The following ADGRL2 variants were observed in gnomAD, a reference collection of about 807,000 sequenced individuals.
The protein encoded by ADGRL2 is adhesion G protein-coupled receptor L2, also known as calcium-independent alpha-latrotoxin receptor 2.
In ADGRL2, 44 loss-of-function variants were observed where a neutral mutation model predicts 157.4. The observed-to-expected ratio is 0.28, with a 90% CI of 0.22 to 0.36. ADGRL2 has a LOEUF of 0.36. ADGRL2 is among the 10% of genes least tolerant of loss of function. The pLI is 1.00. For missense variants in ADGRL2, 1,510 were observed against 1,768.9 expected, an observed-to-expected ratio of 0.85 and a Z score of 2.63; for synonymous variants, 585 against 624.7, an observed-to-expected ratio of 0.94 and a Z score of 0.95.
At chr1:81,378,005 ACT>A (rs1255709352) in intron 1 of ADGRL2, among the ~76,000 whole-genome samples, 2 of 151,852 alleles carry the variant, frequency 1.3e-5, no homozygotes, top group East Asian at 3.9e-4. Context: ...ATGGTGAAAC[ACT>A]CTCTCTACTA....
chr1:81,875,594 AT>A (rs1423572374), intron 2 of ADGRL2, among the ~76,000 whole-genome samples: 1 of 152,132 alleles, frequency 6.6e-6, no homozygotes, highest in Non-Finnish European at 1.5e-5. Flanking sequence ...ACTTGTGTAA[AT>A]TTGGAACAAC....
chr1:81,478,839 G>C (rs1008890092), intron 2 of ADGRL2, among the ~76,000 whole-genome samples: 5 of 151,464 alleles, frequency 3.3e-5, no homozygotes, highest in Admixed American at 6.6e-5. Flanking sequence ...GCATTTATTT[G>C]AGTTTTTTTT....
chr1:81,385,694 A>G (rs1406231954), intron 1 of ADGRL2, among the ~76,000 whole-genome samples: 6 of 152,078 alleles, frequency 3.9e-5, no homozygotes, highest in Non-Finnish European at 8.8e-5. Context: ...AAAATTTTAA[A>G]ATGAATGAAC....
chr1:81,505,884 A>G (rs1300414418), intron 2 of ADGRL2: 1 of 329,314 alleles, frequency 3.0e-6, no homozygotes, highest in Admixed American at 4.1e-5. Flanking sequence ...TCATTACACA[A>G]TTTTCATTAA....
intron 1 of ADGRL2, among the ~76,000 whole-genome samples, chr1:81,383,825 A>AAAAAAG (rs773227675): frequency 6.9e-6 from 1 of 143,914 alleles, no homozygotes; most frequent in Non-Finnish European, 1.5e-5. Flanking sequence ...AAAAAAAAAA[A>AAAAAAG]AGAGAGCCGG....
At chr1:81,922,374 A>C (rs1033674345) in intron 3 of ADGRL2, among the ~76,000 whole-genome samples, 1 of 152,192 alleles carries the variant, frequency 6.6e-6, no homozygotes, top group African/African-American at 2.4e-5. Context: ...AGGATCTTTC[A>C]AAGATTGTGT....
At chr1:81,430,759 A>G (rs1432974204) in intron 1 of ADGRL2, among the ~76,000 whole-genome samples, 1 of 151,950 alleles carries the variant, frequency 6.6e-6, no homozygotes, top group Non-Finnish European at 1.5e-5. Flanking sequence ...TTTTTTCCCA[A>G]ACTGATTCAT....
chr1:81,742,282 A>G (rs2085097355), intron 1 of ADGRL2, among the ~76,000 whole-genome samples: 1 of 152,074 alleles, frequency 6.6e-6, no homozygotes, highest in African/African-American at 2.4e-5. Context: ...TAGTTTCCTT[A>G]GGAATCATAA....
chr1:81,955,074 T>TG (rs1344751355), intron 10 of ADGRL2, among the ~76,000 whole-genome samples: 2 of 152,218 alleles, frequency 1.3e-5, no homozygotes, highest in Non-Finnish European at 2.9e-5. Flanking sequence ...TGAGTTATAT[T>TG]TTATTTAATG....
chr1:81,913,628 T>A (rs2148459247), intron 3 of ADGRL2, among the ~76,000 whole-genome samples: 1 of 152,342 alleles, frequency 6.6e-6, no homozygotes, highest in African/African-American at 2.4e-5. Context: ...CATCATATTC[T>A]AATTCCCTTT....
chr1:81,621,977 C>T (rs570948277), intron 3 of ADGRL2, among the ~76,000 whole-genome samples: 3 of 152,218 alleles, frequency 2.0e-5, no homozygotes, highest in Non-Finnish European at 4.4e-5. Context: ...GTGGTTCCAC[C>T]GTAGGTTGAA....
At chr1:81,748,467 C>CAAAAAAAAAAAAAAAAAAAAA (rs973818702) in intron 1 of ADGRL2, among the ~76,000 whole-genome samples, 5 of 42,404 alleles carry the variant, frequency 1.2e-4, no homozygotes, top group South Asian at 2.2e-3. Context: ...GATTCCGTCT[C>CAAAAAAAAAAAAAAAAAAAAA]AAAAAAAAAA....
chr1:81,408,203 G>A (rs554487937), intron 1 of ADGRL2, among the ~76,000 whole-genome samples: 1 of 152,210 alleles, frequency 6.6e-6, no homozygotes, highest in Admixed American at 6.5e-5. Flanking sequence ...CAATGTGATG[G>A]AGTAAACCTT....
chr1:81,637,193 T>C (rs1280265498), intron 3 of ADGRL2, among the ~76,000 whole-genome samples: 1 of 152,186 alleles, frequency 6.6e-6, no homozygotes, highest in Non-Finnish European at 1.5e-5. Context: ...AGGAATAGGA[T>C]GGTATTCCAA....
chr1:81,623,701 A>G (rs1439494855), intron 3 of ADGRL2, among the ~76,000 whole-genome samples: 3 of 135,632 alleles, frequency 2.2e-5, no homozygotes, highest in Non-Finnish European at 4.5e-5. Context: ...CAGTGGCGTG[A>G]TCTCGGCTCA....
intron 22 of ADGRL2, 86 bp downstream of exon 22, chr1:81,987,115 G>C: frequency 6.8e-7 from 1 of 1,476,846 alleles, no homozygotes; most frequent in East Asian, 2.3e-5. Context: ...TATTCAAGTT[G>C]TCATATATTT....
At chr1:81,924,068 A>C (rs1449018352) in intron 3 of ADGRL2, among the ~76,000 whole-genome samples, 1 of 152,226 alleles carries the variant, frequency 6.6e-6, no homozygotes, top group Non-Finnish European at 1.5e-5. Flanking sequence ...TCAGGTAGTC[A>C]GGGAATATAA....
intron 1 of ADGRL2, among the ~76,000 whole-genome samples, chr1:81,415,984 G>T (rs1241466923): frequency 1.3e-5 from 2 of 151,992 alleles, no homozygotes; most frequent in African/African-American, 4.8e-5. Flanking sequence ...GGGACTACAG[G>T]CGCCCGCCAC....
At chr1:81,959,283 T>C (rs1416081511) in intron 11 of ADGRL2, among the ~76,000 whole-genome samples, 4 of 152,226 alleles carry the variant, frequency 2.6e-5, no homozygotes. Flanking sequence ...CTTTCATGTG[T>C]TTATTGTCCA....
Sources: gnomAD v4.1 joint callset for allele counts (sites outside exome capture counted in the v4.1 genomes callset) on GRCh38, gnomAD v4.1.1 for gene constraint, MANE v1.5 for transcripts, NCBI Gene and HGNC (gene_info 2026-07-23, HGNC 2026-07-21) for gene names.